The following PRTG variants were observed in gnomAD, a reference collection of about 807,000 sequenced individuals.
PRTG encodes protogenin.
PRTG carries 67 observed loss-of-function variants against 122.5 expected under a neutral mutation model. The ratio of observed to expected loss-of-function variants is 0.55; its 90% CI spans 0.45 to 0.67. PRTG has a LOEUF of 0.67. PRTG is among the 30% of genes least tolerant of loss of function. The pLI, the probability that PRTG is intolerant of heterozygous loss-of-function variation, is 0.00. For missense variants in PRTG, 1,435 were observed against 1,415.4 expected, an observed-to-expected ratio of 1.01 and a Z score of -0.22; for synonymous variants, 554 against 501.1, an observed-to-expected ratio of 1.11 and a Z score of -1.41.
At chr15:55,671,806 A>G (rs1009832516) in intron 11 of PRTG, among the ~76,000 whole-genome samples, 2 of 152,106 alleles carry the variant, frequency 1.3e-5, no homozygotes, top group Non-Finnish European at 2.9e-5. Context: ...TGGCCCATGT[A>G]TTCATTTTGG....
At chr15:55,645,835 T>G (rs2059319279) in intron 11 of PRTG, among the ~76,000 whole-genome samples, 2 of 151,974 alleles carry the variant, frequency 1.3e-5, no homozygotes, top group African/African-American at 4.8e-5. Flanking sequence ...GGACTTAGGC[T>G]ATGTGGTTTT....
chr15:55,661,371 A>G (rs578162715), intron 11 of PRTG, among the ~76,000 whole-genome samples: 71 of 152,272 alleles, frequency 4.7e-4, no homozygotes, highest in Non-Finnish European at 9.1e-4. Context: ...TAAAACAACA[A>G]CAGCAGCAAC....
intron 1 of PRTG, among the ~76,000 whole-genome samples, chr15:55,741,329 G>T (rs2031600038): frequency 6.6e-6 from 1 of 152,206 alleles, no homozygotes; most frequent in South Asian, 2.1e-4. Flanking sequence ...GGTAACTCTT[G>T]CTGCTTGTAC....
intron 2 of PRTG, among the ~76,000 whole-genome samples, chr15:55,703,782 T>C (rs1003099898): frequency 4.6e-5 from 7 of 152,224 alleles, no homozygotes; most frequent in African/African-American, 1.2e-4. Flanking sequence ...AAAACTATTC[T>C]GTCTCCATAT....
chr15:55,637,079 T>C (rs2059261541), intron 15 of PRTG, 91 bp downstream of exon 15: 1 of 1,142,472 alleles, frequency 8.8e-7, no homozygotes, highest in African/African-American at 1.6e-5. Flanking sequence ...AAAATGTAAA[T>C]TCAAAATAAA....
Position 55,717,582 on chromosome 15 carries a change from A to T in PRTG, c.397+22800T>A, listed in dbSNP as rs2030645613. 2.6e-5 allele frequency among the ~76,000 whole-genome samples: 4 copies of T among 152,234 alleles called. No individual in the cohort carries two copies. In the South Asian group the frequency reaches 8.3e-4, roughly 31 times the overall value. ...TAAATGTATGTCAGTAATGAAGCAG[A>T]AATCAATAATTTCATTTAATCTAGT... On this transcript the variant is annotated intron_variant, in intron 2 of 19. Transcript: ENST00000389286.
chr15:55,629,435 GTAA>G (rs1167888845), intron 15 of PRTG, among the ~76,000 whole-genome samples: 34 of 131,848 alleles, frequency 2.6e-4, no homozygotes, highest in African/African-American at 6.2e-4. Context: ...GTGTGTGTGT[GTAA>G]TGTTTTACTC....
intron 2 of PRTG, among the ~76,000 whole-genome samples, chr15:55,707,439 T>C (rs2030175537): frequency 6.6e-6 from 1 of 152,222 alleles, no homozygotes; most frequent in Admixed American, 6.5e-5. Flanking sequence ...TTAAAGGTCT[T>C]TGAATTGCTT....
intron 11 of PRTG, among the ~76,000 whole-genome samples, chr15:55,657,385 T>C (rs1349263985): frequency 1.3e-5 from 2 of 152,140 alleles, no homozygotes; most frequent in Non-Finnish European, 2.9e-5. Flanking sequence ...TACTTGGCCA[T>C]TCAGATGGAG....
chr15:55,653,482 G>A (rs1349355374), intron 11 of PRTG, among the ~76,000 whole-genome samples: 1 of 149,324 alleles, frequency 6.7e-6, no homozygotes, highest in Non-Finnish European at 1.5e-5. Context: ...TTTTTTCTGA[G>A]ATGGAGTTTC....
intron 2 of PRTG, among the ~76,000 whole-genome samples, chr15:55,727,265 T>C (rs1438992116): frequency 6.6e-6 from 1 of 151,720 alleles, no homozygotes; most frequent in East Asian, 1.9e-4. Context: ...AAACTTTAGC[T>C]AGACTGACCA....
At chr15:55,686,507 A>T (rs2059571411) in intron 2 of PRTG, among the ~76,000 whole-genome samples, 1 of 152,068 alleles carries the variant, frequency 6.6e-6, no homozygotes, top group African/African-American at 2.4e-5. Flanking sequence ...AAGATGTTTT[A>T]TCTCATTTAT....
intron 14 of PRTG, 28 bp downstream of exon 14, chr15:55,638,520 TA>T: frequency 6.5e-7 from 1 of 1,550,018 alleles, no homozygotes; most frequent in Middle Eastern, 1.7e-4. Context: ...TTTTTAAAGA[TA>T]AAATCTATAG....
At chr15:55,739,063 TG>T (rs1167352737) in intron 2 of PRTG, among the ~76,000 whole-genome samples, 12 of 152,118 alleles carry the variant, frequency 7.9e-5, no homozygotes, top group African/African-American at 2.9e-4. Context: ...GATTTTCTGA[TG>T]TATCAATATA....
intron 1 of PRTG, chr15:55,742,544 A>G: frequency 2.8e-6 from 1 of 361,138 alleles, no homozygotes; most frequent in Non-Finnish European, 5.0e-6. Context: ...GGAAGAGACC[A>G]GAGTGGACAG....
At chr15:55,705,498 C>T (rs757224967) in intron 2 of PRTG, among the ~76,000 whole-genome samples, 23 of 152,132 alleles carry the variant, frequency 1.5e-4, no homozygotes, top group Non-Finnish European at 2.5e-4. Context: ...CTCGCTCTGT[C>T]GCTGGAGTGC....
intron 15 of PRTG, among the ~76,000 whole-genome samples, chr15:55,635,000 G>C (rs935767040): frequency 4.6e-5 from 7 of 152,228 alleles, no homozygotes; most frequent in Middle Eastern, 3.4e-3. Flanking sequence ...AGCAAGCAGA[G>C]GCTTGTGAAA....
chr15:55,618,482 C>G lies in PRTG; in HGVS notation c.*1530G>C, dbSNP rs2059150266. The G allele has an allele frequency of 1.3e-5, 2 of 152,218 alleles. No homozygotes were observed. Among genetic ancestry groups the G allele is most frequent in the East Asian group, 3.9e-4 (2 of 5,168 alleles). 9.4% of individuals were successfully genotyped at this position (152,218 alleles called of 1,614,324 possible). A position where few individuals can be genotyped will look rare whatever the true frequency, so the allele number is the denominator to read the frequency against. ...TCTCTACACGCGTTTAGTTCTTTAT[C>G]CTCTCCCACTGCTCGGCACCTAGGT... On this transcript the variant is annotated 3_prime_UTR_variant, in exon 20 of 20. Coordinates refer to ENST00000389286, the MANE Select transcript of PRTG (RefSeq NM_173814.6).
chr15:55,706,696 T>A (rs1164159745), intron 2 of PRTG, among the ~76,000 whole-genome samples: 1 of 151,394 alleles, frequency 6.6e-6, no homozygotes, highest in Non-Finnish European at 1.5e-5. Context: ...AGCCCAGGAG[T>A]TCGACGTTAC....
Sources: gnomAD v4.1 joint callset for allele counts (sites outside exome capture counted in the v4.1 genomes callset) on GRCh38, gnomAD v4.1.1 for gene constraint, MANE v1.5 for transcripts, NCBI Gene and HGNC (gene_info 2026-07-23, HGNC 2026-07-21) for gene names.